SCN2A: variants seen among roughly 807,000 people sequenced by gnomAD.
SCN2A encodes sodium channel protein type 2 subunit alpha.
A neutral mutation model predicts 188.7 loss-of-function variants in SCN2A; 20 were observed. That is an observed-to-expected ratio of 0.11 (90% CI 0.07 to 0.15). The LOEUF (loss-of-function observed/expected upper bound fraction) is 0.15. Ranked by LOEUF, SCN2A falls within the 10% of genes least tolerant of loss-of-function variation. The pLI is 1.00. For synonymous variants in SCN2A, 804 were observed against 833.1 expected, an observed-to-expected ratio of 0.97 and a Z score of 0.60; for missense variants, 1,278 against 2,445.0, an observed-to-expected ratio of 0.52 and a Z score of 10.07.
intron 22 of SCN2A, among the ~76,000 whole-genome samples, chr2:165,376,337 T>C (rs973627112): frequency 1.3e-5 from 2 of 151,942 alleles, no homozygotes; most frequent in Admixed American, 6.6e-5. Flanking sequence ...AAAAAATGAA[T>C]ATATTTTTGA....
intron 1 of SCN2A, chr2:165,270,237 A>G (rs183958189): frequency 7.1e-6 from 1 of 140,414 alleles, no homozygotes; most frequent in Non-Finnish European, 1.6e-5. Flanking sequence ...TCAAGCAAGT[A>G]TGGCTCTCTC....
intron 7 of SCN2A, among the ~76,000 whole-genome samples, chr2:165,311,089 C>T (rs534726372): frequency 1.4e-4 from 22 of 152,052 alleles, no homozygotes; most frequent in African/African-American, 5.1e-4. Flanking sequence ...GGTTAAGTAA[C>T]CCTGATTTAG....
At chr2:165,366,215 T>C (rs1700717878) in intron 18 of SCN2A, among the ~76,000 whole-genome samples, 1 of 152,200 alleles carries the variant, frequency 6.6e-6, no homozygotes, top group South Asian at 2.1e-4. Flanking sequence ...ACTATAGAAT[T>C]GTAGACAAAT....
intron 18 of SCN2A, 63 bp from the exon 19 acceptor site, chr2:165,367,154 C>G: frequency 1.3e-6 from 2 of 1,514,780 alleles, no homozygotes; most frequent in Middle Eastern, 1.7e-4. Context: ...AATCTCCCAC[C>G]AACACAAATA....
chr2:165,354,128 A>C (rs1051027830), intron 16 of SCN2A, 64 bp from the exon 17 acceptor site: 1 of 1,601,970 alleles, frequency 6.2e-7, no homozygotes. Context: ...TTAGAAAACT[A>C]ATGATGGAAA....
intron 21 of SCN2A, among the ~76,000 whole-genome samples, 168 bp downstream of exon 21, chr2:165,373,515 G>A (rs1209017913): frequency 6.6e-6 from 1 of 152,104 alleles, no homozygotes; most frequent in African/African-American, 2.4e-5. Flanking sequence ...ACTTGGCACT[G>A]CTGGAGTCAC....
chr2:165,322,341 C>T (rs189439729), intron 11 of SCN2A, among the ~76,000 whole-genome samples: 157 of 152,258 alleles, frequency 1.0e-3, no homozygotes, highest in Non-Finnish European at 2.1e-3. Flanking sequence ...AGCCTCAAGT[C>T]CTGCTGCATC....
At chr2:165,334,066 G>A (rs542730472) in intron 14 of SCN2A, among the ~76,000 whole-genome samples, 1 of 149,422 alleles carries the variant, frequency 6.7e-6, no homozygotes, top group Non-Finnish European at 1.5e-5. Context: ...ACTGACTCAA[G>A]AAGTAATAGA....
intron 16 of SCN2A, among the ~76,000 whole-genome samples, chr2:165,351,263 CTG>C (rs1468517658): frequency 1.3e-5 from 2 of 152,082 alleles, no homozygotes; most frequent in African/African-American, 4.8e-5. Context: ...GGTTTCAAAA[CTG>C]TGTCACCACG....
chr2:165,279,482 G>T (rs1695489911), intron 1 of SCN2A, among the ~76,000 whole-genome samples: 1 of 152,052 alleles, frequency 6.6e-6, no homozygotes, highest in South Asian at 2.1e-4. Flanking sequence ...TAACATATTT[G>T]AACTTTTACT....
chr2:165,291,434 TTCTC>T (rs753245223), intron 1 of SCN2A, among the ~76,000 whole-genome samples: 2 of 104,968 alleles, frequency 1.9e-5, no homozygotes. Flanking sequence ...CTGTCTTTCT[TTCTC>T]TTTCTTTCTT....
chr2:165,351,251 G>A (rs4480996), intron 16 of SCN2A, among the ~76,000 whole-genome samples: 110,884 of 151,920 alleles, frequency 0.73, 40,751 homozygotes, highest in African/African-American at 0.78. Context: ...ATTAATAAAC[G>A]CGGTTTCAAA....
intron 3 of SCN2A, among the ~76,000 whole-genome samples, chr2:165,306,513 TG>T (rs1697145413): frequency 1.4e-4 from 1 of 7,326 alleles, no homozygotes; most frequent in Non-Finnish European, 8.4e-4. Context: ...TTTGTGTGTG[TG>T]TGTGTGTGTG....
chr2:165,367,493 G>C, intron 19 of SCN2A, 122 bp downstream of exon 19: 2 of 1,142,340 alleles, frequency 1.8e-6, no homozygotes, highest in Non-Finnish European at 2.6e-6. Flanking sequence ...AAATATGTGT[G>C]ACGTGTTTAG....
Position 165,334,022 on chromosome 2 carries a change from T to C in SCN2A, c.2388+2454T>C, listed in dbSNP as rs143060850. 2.6e-4 allele frequency among the ~76,000 whole-genome samples: 39 copies of C among 149,256 alleles called. No individual in the cohort carries two copies. In the South Asian group the frequency reaches 5.1e-3, roughly 20 times the overall value. On this transcript the variant is annotated intron_variant, in intron 14 of 26. Coordinates refer to ENST00000375437, the MANE Select transcript of SCN2A (RefSeq NM_001040142.2). The stretch of plus-strand genomic sequence containing the variant: ...AGCAAACTAGATAACCTATGTGAAA[T>C]TGAAAAATTCCTAGGGAGTAACAAG...
intron 8 of SCN2A, among the ~76,000 whole-genome samples, chr2:165,312,706 T>C (rs1697506277): frequency 6.6e-6 from 1 of 152,128 alleles, no homozygotes; most frequent in Admixed American, 6.6e-5. Flanking sequence ...ATTGGGATCA[T>C]GCAAATGTTT....
chr2:165,260,367 A>G (rs1356340254), intron 1 of SCN2A, among the ~76,000 whole-genome samples: 1 of 152,212 alleles, frequency 6.6e-6, no homozygotes, highest in Non-Finnish European at 1.5e-5. Context: ...GTGCATTGTC[A>G]ATGAGCAGTA....
intron 21 of SCN2A, among the ~76,000 whole-genome samples, chr2:165,373,958 A>G (rs1480604034): frequency 6.6e-6 from 1 of 152,054 alleles, no homozygotes; most frequent in East Asian, 1.9e-4. Flanking sequence ...GCTGGTTCAA[A>G]GAGGATTTTA....
chr2:165,383,537 G>A (rs776951946), intron 25 of SCN2A, among the ~76,000 whole-genome samples: 32 of 152,204 alleles, frequency 2.1e-4, no homozygotes, highest in African/African-American at 7.0e-4. Context: ...GTAAGAAACC[G>A]TTAACGTGGA....
Sources: allele counts gnomAD v4.1 joint callset (sites outside exome capture counted in the v4.1 genomes callset), GRCh38; gene constraint gnomAD v4.1.1; transcripts MANE v1.5; gene names NCBI Gene and HGNC (gene_info 2026-07-23, HGNC 2026-07-21).